The following SOS2 variants were observed in gnomAD, a reference collection of about 807,000 sequenced individuals.
SOS2 encodes son of sevenless homolog 2.
Under a neutral mutation model 148.2 loss-of-function variants are expected in SOS2, and 65 were observed. The observed-to-expected ratio is 0.44, with a 90% CI of 0.36 to 0.54. The LOEUF (loss-of-function observed/expected upper bound fraction) is 0.54. Among genes scored for constraint, SOS2 ranks in the 20% least tolerant of loss-of-function variants. SOS2 has a pLI of 0.00. For synonymous variants in SOS2, 539 were observed against 537.1 expected, an observed-to-expected ratio of 1.00 and a Z score of -0.05; for missense variants, 1,341 against 1,590.2, an observed-to-expected ratio of 0.84 and a Z score of 2.67.
At position 50,156,980 on chromosome 14, in the gene SOS2, A is replaced by T. The variant is rs544924513; in HGVS notation, c.2057+19T>A. On this transcript the variant is annotated intron_variant, in intron 12 of 22. Transcript: ENST00000216373. Reference sequence around the variant, plus strand: ...ATATATGTGTATATATATATATATAAAAAATATTCAAGCCAAACCTAAGTT... The same window carrying T: ...ATATATGTGTATATATATATATATATAAAATATTCAAGCCAAACCTAAGTT... The T allele has an allele frequency of 7.7e-4, 1,038 of 1,345,902 alleles. 4 individuals carry two copies. The highest frequency in any genetic ancestry group is 9.4e-4 in the Non-Finnish European group (914 of 977,498). 83.4% of individuals were successfully genotyped at this position (1,345,902 alleles called of 1,614,324 possible).
intron 4 of SOS2, among the ~76,000 whole-genome samples, chr14:50,193,707 A>AT (rs1362351040): frequency 6.6e-6 from 1 of 151,042 alleles, no homozygotes; most frequent in African/African-American, 2.4e-5. Context: ...ATACAATCTC[A>AT]TTACTTAGGG....
intron 21 of SOS2, among the ~76,000 whole-genome samples, chr14:50,121,397 A>T (rs1883502277): frequency 6.6e-6 from 1 of 152,238 alleles, no homozygotes; most frequent in Non-Finnish European, 1.5e-5. Context: ...TAACTGGGAA[A>T]GAAGTTGATA....
At chr14:50,162,215 T>C (rs550377984) in intron 8 of SOS2, among the ~76,000 whole-genome samples, 1 of 152,230 alleles carries the variant, frequency 6.6e-6, no homozygotes, top group East Asian at 1.9e-4. Flanking sequence ...TGGAATACAG[T>C]GGCAGGGCTA....
At chr14:50,130,881 G>T in intron 19 of SOS2, 119 bp from the exon 20 acceptor site, 1 of 757,402 alleles carries the variant, frequency 1.3e-6, no homozygotes, top group Non-Finnish European at 2.1e-6. Flanking sequence ...TAAGCGTGCA[G>T]TCCTTCAGTC....
rs376903120 is a variant in SOS2 at position 50,150,003 on chromosome 14, T to C, written c.2384+5A>G. The stretch of plus-strand genomic sequence containing the variant: ...TAAAGCAAGACATTAACATTAATTG[T>C]CTACCTGTAAAGATCAGACTCCAAA... On this transcript the variant is annotated splice_donor_5th_base_variant and intron_variant, in intron 14 of 22. Coordinates refer to ENST00000216373, the MANE Select transcript of SOS2 (RefSeq NM_006939.4). The C allele has an allele frequency of 3.9e-6, 6 of 1,551,534 alleles. No individual in the cohort carries two copies. In the African/African-American group the frequency reaches 8.1e-5, roughly 21 times the overall value.
intron 4 of SOS2, among the ~76,000 whole-genome samples, chr14:50,196,811 T>C (rs1460112170): frequency 1.3e-5 from 2 of 152,118 alleles, no homozygotes; most frequent in Admixed American, 6.6e-5. Context: ...AGTGCTCAAA[T>C]AATGACAGGA....
intron 12 of SOS2, among the ~76,000 whole-genome samples, chr14:50,153,417 G>A (rs1478945936): frequency 6.6e-6 from 1 of 152,024 alleles, no homozygotes; most frequent in African/African-American, 2.4e-5. Context: ...AAAAATAGTG[G>A]TTTCTGTGCT....
intron 22 of SOS2, among the ~76,000 whole-genome samples, chr14:50,119,608 T>C (rs764324411): frequency 1.3e-5 from 2 of 152,074 alleles, no homozygotes; most frequent in Non-Finnish European, 2.9e-5. Context: ...CTTGGCTCAC[T>C]GCAACCTACC....
At chr14:50,154,949 A>C (rs1405043505) in intron 12 of SOS2, among the ~76,000 whole-genome samples, 1 of 152,240 alleles carries the variant, frequency 6.6e-6, no homozygotes, top group Non-Finnish European at 1.5e-5. Flanking sequence ...GGCAGCAAGA[A>C]AAAAATGTAT....
In SOS2 at chr14:50,149,843, T is replaced by C. The variant is rs73283406; in HGVS notation, c.2384+165A>G. Among the ~76,000 whole-genome samples, 1,345 of 152,294 alleles carry C rather than the reference T, an allele frequency of 8.8e-3. 17 individuals are homozygous for C. The highest frequency in any genetic ancestry group is 0.031 in the African/African-American group (1,283 of 41,558). On this transcript the variant is annotated intron_variant, in intron 14 of 22. Coordinates refer to ENST00000216373, the MANE Select transcript of SOS2 (RefSeq NM_006939.4). ...CCCAGTCTAGACATAAGACTTTTACTTGCAGGGCAGACTAGTTAAAAACTG... is the reference window on the plus strand; with the variant it reads ...CCCAGTCTAGACATAAGACTTTTACCTGCAGGGCAGACTAGTTAAAAACTG...
intron 1 of SOS2, among the ~76,000 whole-genome samples, chr14:50,223,842 G>C (rs1167071356): frequency 1.3e-5 from 2 of 152,014 alleles, no homozygotes; most frequent in African/African-American, 4.8e-5. Flanking sequence ...GACAGAGTGC[G>C]ACCCTGTCTC....
intron 22 of SOS2, among the ~76,000 whole-genome samples, chr14:50,119,802 C>CTTT (rs1883437086): frequency 7.9e-6 from 1 of 126,022 alleles, no homozygotes; most frequent in Non-Finnish European, 1.6e-5. Flanking sequence ...TCCCAACCAG[C>CTTT]CTTTTTTTTT....
chr14:50,146,088 G>A (rs1388929193), intron 14 of SOS2, among the ~76,000 whole-genome samples: 7 of 145,274 alleles, frequency 4.8e-5, no homozygotes, highest in African/African-American at 1.0e-4. Context: ...AGCCGAGATC[G>A]CACCACTGCA....
chr14:50,166,063 T>C (rs562010802), intron 8 of SOS2, among the ~76,000 whole-genome samples: 28 of 152,332 alleles, frequency 1.8e-4, no homozygotes, highest in Admixed American at 8.5e-4. Context: ...ACCACTGAGT[T>C]GAAAGGGATT....
intron 16 of SOS2, 149 bp from the exon 17 acceptor site, chr14:50,140,208 C>A: frequency 2.0e-6 from 1 of 501,192 alleles, no homozygotes; most frequent in Non-Finnish European, 3.6e-6. Flanking sequence ...TGTACACTTA[C>A]CTGAAGTGAT....
rs775506222 is a variant in SOS2 at position 50,118,585 on chromosome 14, CTAA to C, written c.3755_3757del (p.Ile1252del). 6.2e-5 allele frequency: 100 copies of C among 1,614,156 alleles called. No individual in the cohort carries two copies. The African/African-American group carries it at 1.1e-3, about 17-fold the overall frequency. On this transcript the variant is annotated inframe_deletion, in exon 23 of 23. Coordinates refer to ENST00000216373, the MANE Select transcript of SOS2 (RefSeq NM_006939.4). Reference sequence around the variant, plus strand: ...AGTGCTTGGCGAATTTGGACACGTACTAATGTCTCTGAGCCAGTCTGAATCTCT... The same window carrying C: ...AGTGCTTGGCGAATTTGGACACGTACTGTCTCTGAGCCAGTCTGAATCTCT...
At chr14:50,221,958 G>A (rs1421673178) in intron 1 of SOS2, among the ~76,000 whole-genome samples, 1 of 152,080 alleles carries the variant, frequency 6.6e-6, no homozygotes, top group African/African-American at 2.4e-5. Flanking sequence ...ATAAAAAAGT[G>A]CGATTAAAGA....
chr14:50,215,559 G>C, intron 1 of SOS2: 1 of 964,892 alleles, frequency 1.0e-6, no homozygotes, highest in Non-Finnish European at 1.3e-6. Context: ...TAACAAGTCA[G>C]ACCTGTATTT....
rs1566827574 is a variant in SOS2, at chr14:50,150,092, C to T, written c.2300G>A (p.Gly767Glu). Residue 767 changes from glycine to glutamate, a missense_variant, in exon 14 of 23, where the codon GGA (glycine) becomes GAA (glutamate). Gly to Glu is a moderately conservative substitution (Grantham distance 98). Transcript: ENST00000216373. ...CATGAGATCAAATGTTTCAAACTGT[C>T]CTGGTTTGCTGATATGCCATTCAAT... ...PPIEWHISKP[G>E]QFETFDLMTL... 6.2e-7 allele frequency: 1 copy of T among 1,613,922 alleles called. No individual in the cohort carries two copies. The highest frequency in any genetic ancestry group is 8.5e-7 in the Non-Finnish European group (1 of 1,179,862).
Sources: gnomAD v4.1 joint callset for allele counts (sites outside exome capture counted in the v4.1 genomes callset) on GRCh38, gnomAD v4.1.1 for gene constraint, MANE v1.5 for transcripts, NCBI Gene and HGNC (gene_info 2026-07-23, HGNC 2026-07-21) for gene names.